Variants in FSIP2 observed in about 807,000 individuals in gnomAD.
FSIP2 encodes fibrous sheath-interacting protein 2.
Under a neutral mutation model 510.5 loss-of-function variants are expected in FSIP2, and 367 were observed. The ratio of observed to expected loss-of-function variants is 0.72; its 90% CI spans 0.66 to 0.78. The LOEUF is 0.78. FSIP2 is among the 30% of genes least tolerant of loss of function. The pLI is 0.00. For synonymous variants in FSIP2, 2,601 were observed against 2,732.2 expected, an observed-to-expected ratio of 0.95 and a Z score of 1.50; for missense variants, 7,594 against 7,901.7, an observed-to-expected ratio of 0.96 and a Z score of 1.48.
chr2:185,807,039 A>T lies in FSIP2; in HGVS notation c.17733A>T (p.Thr5911=). Residue 5911 remains threonine (T), a synonymous_variant, in exon 17 of 23, where the codon ACA becomes ACT. Transcript: ENST00000424728. ...ATAAGATACCATCAATTGACAAAACATTGGTCAATAAAGTTGTTCACTCCT... is the reference window on the plus strand; with the variant it reads ...ATAAGATACCATCAATTGACAAAACTTTGGTCAATAAAGTTGTTCACTCCT... ...SSDKIPSIDK[T]LVNKVVHSSV... 6.3e-7 allele frequency: 1 copy of T among 1,594,468 alleles called. No individual in the cohort carries two copies. The highest frequency in any genetic ancestry group is 1.1e-5 in the South Asian group (1 of 87,194).
intron 15 of FSIP2, 121 bp downstream of exon 15, chr2:185,786,409 CT>C: frequency 1.6e-6 from 1 of 641,466 alleles, no homozygotes; most frequent in African/African-American, 1.8e-5. Context: ...GTTAGGCTTC[CT>C]TTTTGCCCCT....
intron 17 of FSIP2, among the ~76,000 whole-genome samples, chr2:185,811,603 C>G (rs1693732205): frequency 6.6e-6 from 1 of 151,694 alleles, no homozygotes; most frequent in Non-Finnish European, 1.5e-5. Flanking sequence ...AGTTCCAAAA[C>G]TGAAAGAGAT....
chr2:185,802,963 C>T lies in FSIP2; in HGVS notation c.13657C>T (p.Gln4553Ter), dbSNP rs1269793093. 1.3e-6 allele frequency: 2 copies of T among 1,528,852 alleles called. No individual in the cohort carries two copies. Among genetic ancestry groups the T allele is most frequent in the Non-Finnish European group, 1.7e-6 (2 of 1,143,378 alleles). 94.7% of individuals were successfully genotyped at this position (1,528,852 alleles called of 1,614,324 possible). ...LVDSVFANVV[Q>*]TSGSQESAVQ... is the part of the protein sequence containing the mutation. ...TGATTCAGTATTTGCAAATGTTGTG[C>T]AAACCTCTGGTTCTCAAGAATCAGC... The change falls in exon 17 of 23, where the codon CAA becomes TAA. Residue 4553 changes from glutamine (Q) to a stop codon, truncating the protein, a stop_gained. Coordinates refer to ENST00000424728, the MANE Select transcript of FSIP2 (RefSeq NM_173651.4). LOFTEE classifies it high-confidence loss of function.
intron 14 of FSIP2, among the ~76,000 whole-genome samples, chr2:185,785,380 G>T (rs1692947576): frequency 6.6e-6 from 1 of 151,938 alleles, no homozygotes; most frequent in African/African-American, 2.4e-5. Flanking sequence ...CAAAATACAG[G>T]ATATAGTTTT....
chr2:185,803,220 A>G lies in FSIP2; in HGVS notation c.13914A>G (p.Val4638=). The G allele has an allele frequency of 6.5e-7, 1 of 1,531,576 alleles. No individual in the cohort carries two copies. Among genetic ancestry groups the G allele is most frequent in the Non-Finnish European group, 8.7e-7 (1 of 1,144,476 alleles). The allele number at this position is 1,531,576 out of a possible 1,614,324, so 94.9% of individuals were successfully genotyped here. A position where few individuals can be genotyped will look rare whatever the true frequency, so the allele number is the denominator to read the frequency against. Reference sequence around the variant, plus strand: ...TTTTAAGAAAAATATTCCACAGGGTAGTAGGCATTGTACAAACAAAATCCA... The same window carrying G: ...TTTTAAGAAAAATATTCCACAGGGTGGTAGGCATTGTACAAACAAAATCCA... ...SGVLRKIFHR[V]VGIVQTKSIR... Residue 4638 remains valine (V), a synonymous_variant, in exon 17 of 23, where the codon GTA becomes GTG. Coordinates refer to ENST00000424728, the MANE Select transcript of FSIP2 (RefSeq NM_173651.4).
chr2:185,815,709 C>T (rs1037367752), intron 19 of FSIP2, among the ~76,000 whole-genome samples: 5 of 151,942 alleles, frequency 3.3e-5, no homozygotes, highest in Admixed American at 1.3e-4. Context: ...TCTAGTGTAT[C>T]AGTGTCTTAT....
chr2:185,804,717 T>G lies in FSIP2; in HGVS notation c.15411T>G (p.Asn5137Lys), dbSNP rs929336504. The change falls in exon 17 of 23, where the codon AAT becomes AAG. Residue 5137 changes from asparagine to lysine, a missense_variant. Asn to Lys is a moderately conservative substitution (Grantham distance 94). Transcript: ENST00000424728. ...GHVFPSTHTE[N>K]ELKEKKFPPD... ...TCTTCCCTTCAACTCACACTGAAAA[T>G]GAACTAAAAGAGAAAAAGTTTCCAC... is the stretch of plus-strand genomic sequence containing the variant. 14 of 1,530,502 alleles carry G rather than the reference T, an allele frequency of 9.1e-6. No individual in the cohort carries two copies. The Admixed American group carries it at 1.0e-4, about 11-fold the overall frequency. 94.8% of individuals were successfully genotyped at this position (1,530,502 alleles called of 1,614,324 possible).
At chr2:185,753,038 T>C (rs1220217460) in intron 7 of FSIP2, among the ~76,000 whole-genome samples, 1 of 151,322 alleles carries the variant, frequency 6.6e-6, no homozygotes, top group Non-Finnish European at 1.5e-5. Context: ...TTCCTACTAC[T>C]GAGTTAAGAT....
At chr2:185,819,784 G>C (rs1693882366) in intron 19 of FSIP2, among the ~76,000 whole-genome samples, 1 of 151,690 alleles carries the variant, frequency 6.6e-6, no homozygotes, top group African/African-American at 2.4e-5. Flanking sequence ...TTTAAGGTAG[G>C]CTAGGCTAAG....
intron 7 of FSIP2, among the ~76,000 whole-genome samples, chr2:185,752,823 C>T (rs1692175039): frequency 6.6e-6 from 1 of 151,258 alleles, no homozygotes; most frequent in Non-Finnish European, 1.5e-5. Flanking sequence ...AGTCATATTC[C>T]CCTGCTTCTT....
chr2:185,770,108 G>C (rs533882671), intron 13 of FSIP2, among the ~76,000 whole-genome samples: 1 of 152,246 alleles, frequency 6.6e-6, no homozygotes, highest in South Asian at 2.1e-4. Flanking sequence ...GTTGTGTGAA[G>C]AATGCCATTG....
At position 185,806,249 on chromosome 2, in the gene FSIP2, G is replaced by C. The variant is rs1693573634; in HGVS notation, c.16943G>C (p.Arg5648Thr). 1 of 1,610,048 alleles carries C rather than the reference G, an allele frequency of 6.2e-7. No individual in the cohort carries two copies. Among genetic ancestry groups the C allele is most frequent in the Non-Finnish European group, 8.5e-7 (1 of 1,177,912 alleles). ...LGTTTDTLEIRIRTSSNEGRR... is the reference protein window; with the variant it reads ...LGTTTDTLEITIRTSSNEGRR... Reference sequence around the variant, plus strand: ...ACTACAACAGATACTTTGGAAATAAGAATTCGAACATCAAGCAATGAGGGG... The same window carrying C: ...ACTACAACAGATACTTTGGAAATAACAATTCGAACATCAAGCAATGAGGGG... The change falls in exon 17 of 23, where the codon AGA becomes ACA. Residue 5648 changes from arginine (R) to threonine (T), a missense_variant. Arg to Thr is a moderately conservative substitution (Grantham distance 71, BLOSUM62 -1). Coordinates refer to ENST00000424728, the MANE Select transcript of FSIP2 (RefSeq NM_173651.4).
chr2:185,815,474 A>G lies in FSIP2; in HGVS notation c.20426+3A>G. Reference sequence around the variant, plus strand: ...GAAGATCTCATTTCATCTACTGGGTATATGAAATTAAAGCAGTAGAAATAT... The same window carrying G: ...GAAGATCTCATTTCATCTACTGGGTGTATGAAATTAAAGCAGTAGAAATAT... On this transcript the variant is annotated splice_donor_region_variant and intron_variant, in intron 19 of 22. Transcript: ENST00000424728. 1 of 1,265,824 alleles carries G rather than the reference A, an allele frequency of 7.9e-7. No individual in the cohort carries two copies. Among genetic ancestry groups the G allele is most frequent in the Non-Finnish European group, 1.1e-6 (1 of 889,794 alleles). The allele number at this position is 1,265,824 out of a possible 1,614,324, so 78.4% of individuals were successfully genotyped here. A position where few individuals can be genotyped will look rare whatever the true frequency, so the allele number is the denominator to read the frequency against.
intron 8 of FSIP2, among the ~76,000 whole-genome samples, chr2:185,754,215 A>T (rs1692200021): frequency 6.6e-6 from 1 of 151,502 alleles, no homozygotes; most frequent in African/African-American, 2.4e-5. Context: ...GAATTAGGAA[A>T]AAAAAGAAGG....
intron 13 of FSIP2, among the ~76,000 whole-genome samples, chr2:185,770,788 AG>A (rs1692591598): frequency 1.3e-5 from 2 of 152,332 alleles, no homozygotes; most frequent in African/African-American, 4.8e-5. Context: ...TTCAATAAAA[AG>A]TCCAAGGTCC....
chr2:185,801,404 T>G lies in FSIP2; in HGVS notation c.12098T>G (p.Leu4033Arg). ...GTTCTACGGAATGCTGAAGAAAGGC[T>G]GTGTTTTCCACCAGTTCATACAGAA... Reference protein sequence around the residue: ...VTVLRNAEERLCFPPVHTETV... With the variant: ...VTVLRNAEERRCFPPVHTETV... The change falls in exon 17 of 23, where the codon CTG (leucine) becomes CGG (arginine). Residue 4033 changes from leucine (L) to arginine (R), a missense_variant. Transcript: ENST00000424728. 1 of 1,534,186 alleles carries G rather than the reference T, an allele frequency of 6.5e-7. No homozygotes were observed. Among genetic ancestry groups the G allele is most frequent in the South Asian group, 1.2e-5 (1 of 84,020 alleles).
At chr2:185,827,958 G>A (rs936929218) in intron 20 of FSIP2, among the ~76,000 whole-genome samples, 198 bp from the exon 21 acceptor site, 2 of 151,780 alleles carry the variant, frequency 1.3e-5, no homozygotes, top group South Asian at 4.1e-4. Context: ...GAAGGGCTAA[G>A]ACGTCCCAAT....
At chr2:185,755,081 C>G (rs1232548502) in intron 8 of FSIP2, among the ~76,000 whole-genome samples, 1 of 151,432 alleles carries the variant, frequency 6.6e-6, no homozygotes, top group African/African-American at 2.4e-5. Context: ...TATCAAAATC[C>G]TACAGTTCTT....
intron 22 of FSIP2, among the ~76,000 whole-genome samples, chr2:185,832,497 G>A (rs1216141067): frequency 6.6e-6 from 1 of 151,698 alleles, no homozygotes; most frequent in East Asian, 1.9e-4. Flanking sequence ...CTACAATCAA[G>A]AAAACACAGG....
Sources: gnomAD v4.1 joint callset for allele counts (sites outside exome capture counted in the v4.1 genomes callset) on GRCh38, gnomAD v4.1.1 for gene constraint, MANE v1.5 for transcripts, NCBI Gene and HGNC (gene_info 2026-07-23, HGNC 2026-07-21) for gene names.